ARHGAP15: variants seen among roughly 807,000 people sequenced by gnomAD.
The protein encoded by ARHGAP15 is rho GTPase-activating protein 15.
ARHGAP15 carries 51 observed loss-of-function variants against 63.7 expected under a neutral mutation model. The ratio of observed to expected loss-of-function variants is 0.80; its 90% CI spans 0.64 to 1.01. The LOEUF is 1.01. Ranked by LOEUF, ARHGAP15 falls within the 50% of genes least tolerant of loss-of-function variation. ARHGAP15 has a pLI of 0.00. For synonymous variants in ARHGAP15, 191 were observed against 193.8 expected, an observed-to-expected ratio of 0.99 and a Z score of 0.12; for missense variants, 560 against 564.6, an observed-to-expected ratio of 0.99 and a Z score of 0.08.
At chr2:143,732,410 A>T (rs1286602602) in intron 13 of ARHGAP15, among the ~76,000 whole-genome samples, 1 of 152,206 alleles carries the variant, frequency 6.6e-6, no homozygotes, top group African/African-American at 2.4e-5. Flanking sequence ...TTTTATATTG[A>T]ATGCATTTTT....
chr2:143,762,611 T>C (rs1686799657), intron 13 of ARHGAP15, among the ~76,000 whole-genome samples: 1 of 152,150 alleles, frequency 6.6e-6, no homozygotes, highest in Non-Finnish European at 1.5e-5. Context: ...CAGCATTTCT[T>C]CATATACACT....
chr2:143,606,058 A>AAAAC (rs1698008719), intron 11 of ARHGAP15, among the ~76,000 whole-genome samples: 1 of 135,046 alleles, frequency 7.4e-6, no homozygotes, highest in Non-Finnish European at 1.6e-5. Flanking sequence ...AAAAAAAAAA[A>AAAAC]AAAAAAAAAA....
At chr2:143,656,203 C>T (rs928245231) in intron 12 of ARHGAP15, 1 of 151,960 alleles carries the variant, frequency 6.6e-6, no homozygotes, top group African/African-American at 2.4e-5. Flanking sequence ...AAAAAGACAC[C>T]ACAAATGGCT....
intron 8 of ARHGAP15, among the ~76,000 whole-genome samples, chr2:143,478,438 G>A (rs1349013684): frequency 2.6e-5 from 4 of 152,166 alleles, no homozygotes. Context: ...GGGGGTGGGG[G>A]ACATTACCAT....
intron 13 of ARHGAP15, among the ~76,000 whole-genome samples, chr2:143,745,443 A>G (rs1686128005): frequency 6.6e-6 from 1 of 152,176 alleles, no homozygotes; most frequent in Non-Finnish European, 1.5e-5. Flanking sequence ...TTCTTTTATA[A>G]GTGTAAGAAA....
At chr2:143,287,409 T>C (rs1682159960) in intron 6 of ARHGAP15, among the ~76,000 whole-genome samples, 1 of 152,068 alleles carries the variant, frequency 6.6e-6, no homozygotes, top group Non-Finnish European at 1.5e-5. Flanking sequence ...CATCAGCCTG[T>C]CACCCTGAAA....
chr2:143,206,270 A>G (rs112536826), intron 3 of ARHGAP15, among the ~76,000 whole-genome samples: 1,606 of 152,212 alleles, frequency 0.011, 18 homozygotes, highest in Middle Eastern at 0.037. Context: ...TCTTTATTAT[A>G]TCGTACTTCT....
intron 12 of ARHGAP15, among the ~76,000 whole-genome samples, chr2:143,658,754 G>A (rs931596302): frequency 2.0e-5 from 3 of 152,130 alleles, no homozygotes; most frequent in African/African-American, 7.2e-5. Flanking sequence ...GTCACTTCTG[G>A]TAAGAGATAG....
intron 2 of ARHGAP15, among the ~76,000 whole-genome samples, chr2:143,164,696 C>T (rs1690431363): frequency 6.6e-6 from 1 of 151,708 alleles, no homozygotes; most frequent in Non-Finnish European, 1.5e-5. Flanking sequence ...CTTGAATTTC[C>T]TCCTCATTAT....
intron 6 of ARHGAP15, among the ~76,000 whole-genome samples, chr2:143,420,374 A>G (rs1688867175): frequency 6.6e-6 from 1 of 152,174 alleles, no homozygotes. Context: ...AAGGCAGCAC[A>G]GAAGAATTGA....
chr2:143,623,138 A>T (rs1698704962), intron 11 of ARHGAP15, among the ~76,000 whole-genome samples: 1 of 152,244 alleles, frequency 6.6e-6, no homozygotes, highest in African/African-American at 2.4e-5. Flanking sequence ...ACGTTTAGAA[A>T]GACAAATCGT....
chr2:143,311,373 TAA>T (rs1348724772), intron 6 of ARHGAP15, among the ~76,000 whole-genome samples: 1 of 151,860 alleles, frequency 6.6e-6, no homozygotes, highest in Non-Finnish European at 1.5e-5. Context: ...ATGATATAAA[TAA>T]TTTGAAAAAT....
At chr2:143,465,342 C>T (rs2105170394) in intron 8 of ARHGAP15, among the ~76,000 whole-genome samples, 1 of 152,206 alleles carries the variant, frequency 6.6e-6, no homozygotes, top group South Asian at 2.1e-4. Flanking sequence ...GACCTGAATG[C>T]TACAGCACTT....
chr2:143,179,891 C>CA lies in ARHGAP15; in HGVS notation c.166-22231dup, dbSNP rs77160479. The stretch of plus-strand genomic sequence containing the variant: ...TGGGAGATAAAGTGAGACATTGTCT[C>CA]AAAAAAAAAAAATGCATACCTTAAT... On this transcript the variant is annotated intron_variant, in intron 2 of 13. Coordinates refer to ENST00000295095, the MANE Select transcript of ARHGAP15 (RefSeq NM_018460.4). Among the ~76,000 whole-genome samples, 1,300 of 142,764 alleles carry CA rather than the reference C, an allele frequency of 9.1e-3. 25 individuals are homozygous for CA. The highest frequency in any genetic ancestry group is 0.03 in the African/African-American group (1,174 of 38,628). The allele number at this position is 142,764 out of a possible 152,430, so 93.7% of individuals were successfully genotyped here.
intron 6 of ARHGAP15, among the ~76,000 whole-genome samples, chr2:143,290,444 C>T (rs1682335785): frequency 6.6e-6 from 1 of 151,816 alleles, no homozygotes; most frequent in African/African-American, 2.4e-5. Flanking sequence ...AAAAAAAGGG[C>T]AGCGGCTATT....
intron 2 of ARHGAP15, among the ~76,000 whole-genome samples, chr2:143,198,248 A>G (rs1691962501): frequency 6.6e-6 from 1 of 152,066 alleles, no homozygotes; most frequent in South Asian, 2.1e-4. Context: ...ATATGTTAGC[A>G]TACAATATTA....
chr2:143,436,395 A>G (rs1324588445), intron 7 of ARHGAP15, among the ~76,000 whole-genome samples: 1 of 152,176 alleles, frequency 6.6e-6, no homozygotes, highest in Non-Finnish European at 1.5e-5. Context: ...TCATTATACC[A>G]TTTTGGGATT....
At chr2:143,165,329 T>A (rs953901817) in intron 2 of ARHGAP15, among the ~76,000 whole-genome samples, 1 of 152,100 alleles carries the variant, frequency 6.6e-6, no homozygotes, top group African/African-American at 2.4e-5. Flanking sequence ...CCAACTTTCC[T>A]CCACTACTTT....
chr2:143,746,069 A>G (rs1686151914), intron 13 of ARHGAP15, among the ~76,000 whole-genome samples: 1 of 152,200 alleles, frequency 6.6e-6, no homozygotes, highest in African/African-American at 2.4e-5. Context: ...ATTTCCACAC[A>G]ATTCTATATG....
Sources: gnomAD v4.1 joint callset for allele counts (sites outside exome capture counted in the v4.1 genomes callset) on GRCh38, gnomAD v4.1.1 for gene constraint, MANE v1.5 for transcripts, NCBI Gene and HGNC (gene_info 2026-07-23, HGNC 2026-07-21) for gene names.